Variants in UNC79 observed in about 807,000 individuals in gnomAD.
The protein encoded by UNC79 is protein unc-79 homolog.
A neutral mutation model predicts 283.1 loss-of-function variants in UNC79; 37 were observed. The ratio of observed to expected loss-of-function variants is 0.13; its 90% CI spans 0.10 to 0.17. The LOEUF is 0.17. Ranked by LOEUF, UNC79 falls within the 10% of genes least tolerant of loss-of-function variation. UNC79 has a pLI of 1.00. For synonymous variants in UNC79, 1,107 were observed against 1,200.2 expected, an observed-to-expected ratio of 0.92 and a Z score of 1.61; for missense variants, 2,272 against 3,211.1, an observed-to-expected ratio of 0.71 and a Z score of 7.07.
chr14:93,475,370 G>A (rs1020793113), intron 3 of UNC79, among the ~76,000 whole-genome samples: 1 of 152,264 alleles, frequency 6.6e-6, no homozygotes, highest in African/African-American at 2.4e-5. Flanking sequence ...ACTCCCCTAA[G>A]AGAATTCTTG....
At chr14:93,355,255 A>G (rs1296971762) in intron 1 of UNC79, among the ~76,000 whole-genome samples, 3 of 151,600 alleles carry the variant, frequency 2.0e-5, no homozygotes, top group Non-Finnish European at 4.4e-5. Context: ...GTGCAGTGGC[A>G]CGTTCTCAGC....
intron 1 of UNC79, among the ~76,000 whole-genome samples, chr14:93,408,943 A>G (rs1595441205): frequency 6.6e-6 from 1 of 152,236 alleles, no homozygotes; most frequent in African/African-American, 2.4e-5. Context: ...CCTCAACCAC[A>G]TCTATAAAAA....
intron 26 of UNC79, among the ~76,000 whole-genome samples, chr14:93,605,958 A>C (rs12147136): frequency 0.68 from 103,665 of 152,066 alleles, 35,610 homozygotes; most frequent in Admixed American, 0.72. Flanking sequence ...CATGTACGCT[A>C]CTGTGCTGTG....
chr14:93,557,312 C>T lies in UNC79; in HGVS notation c.1756-14582C>T, dbSNP rs142790701. ...TCTGCTGTTGTGGGAGTGTCTTTGC[C>T]GGTATCTTAGGCTGTTTCCTCAACT... is the stretch of plus-strand genomic sequence containing the variant. On this transcript the variant is annotated intron_variant, in intron 14 of 48. Coordinates refer to ENST00000555664, the Ensembl canonical transcript of UNC79. Among the ~76,000 whole-genome samples the T allele has an allele frequency of 2.9e-3, 442 of 152,192 alleles. 3 individuals carry two copies. Among genetic ancestry groups the T allele is most frequent in the African/African-American group, 0.01 (421 of 41,512 alleles).
At chr14:93,440,383 A>C (rs1347550664) in intron 1 of UNC79, among the ~76,000 whole-genome samples, 1 of 152,058 alleles carries the variant, frequency 6.6e-6, no homozygotes, top group Non-Finnish European at 1.5e-5. Flanking sequence ...CTTTTTCAAG[A>C]AACCAGTTAT....
intron 30 of UNC79, 60 bp from the exon 33 acceptor site, chr14:93,630,741 A>G: frequency 7.5e-7 from 1 of 1,330,472 alleles, no homozygotes; most frequent in Non-Finnish European, 1.1e-6. Context: ...GATATAGAAA[A>G]GGTTCTTGAA....
chr14:93,444,689 C>A (rs1870485808), intron 1 of UNC79, among the ~76,000 whole-genome samples: 1 of 152,052 alleles, frequency 6.6e-6, no homozygotes, highest in African/African-American at 2.4e-5. Flanking sequence ...ATCCTGGTAC[C>A]TTTGTTGATA....
intron 38 of UNC79, among the ~76,000 whole-genome samples, chr14:93,655,644 GAA>G (rs59172906): frequency 4.9e-5 from 4 of 81,738 alleles, no homozygotes; most frequent in African/African-American, 4.1e-5. Flanking sequence ...CAGTTGATTT[GAA>G]AAAAAAAAAA....
chr14:93,577,233 C>A (rs1429908562), intron 17 of UNC79, among the ~76,000 whole-genome samples: 3 of 148,520 alleles, frequency 2.0e-5, no homozygotes, highest in Non-Finnish European at 4.4e-5. Flanking sequence ...CAAAAAAAAC[C>A]ATTGACTTAA....
At chr14:93,357,965 C>G (rs1171920462) in intron 1 of UNC79, among the ~76,000 whole-genome samples, 4 of 98,854 alleles carry the variant, frequency 4.0e-5, no homozygotes, top group Non-Finnish European at 7.8e-5. Flanking sequence ...CTATATATAT[C>G]CATATATATA....
intron 1 of UNC79, among the ~76,000 whole-genome samples, chr14:93,353,536 A>G (rs2054020736): frequency 6.6e-6 from 1 of 152,154 alleles, no homozygotes; most frequent in Non-Finnish European, 1.5e-5. Context: ...TCATTCCTTG[A>G]GTAACTTCAG....
chr14:93,333,611 GT>G (rs2053505007), intron 1 of UNC79: 1 of 393,042 alleles, frequency 2.5e-6, no homozygotes, highest in East Asian at 3.6e-5. Flanking sequence ...ACACTGAAAA[GT>G]TTTCCTTAAC....
chr14:93,637,401 A>G (rs2068600286), intron 32 of UNC79, 102 bp downstream of exon 35: 6 of 1,530,642 alleles, frequency 3.9e-6, no homozygotes, highest in African/African-American at 1.4e-5. Flanking sequence ...TAGCACCTCC[A>G]TGGAGTGGGG....
chr14:93,523,506 G>A (rs983918026), intron 7 of UNC79, among the ~76,000 whole-genome samples: 18 of 152,094 alleles, frequency 1.2e-4, no homozygotes, highest in African/African-American at 4.3e-4. Flanking sequence ...AGGATGTTTA[G>A]CATAATATAC....
intron 37 of UNC79, 59 bp downstream of exon 40, chr14:93,654,084 T>C (rs1208682226): frequency 5.6e-5 from 81 of 1,455,080 alleles, no homozygotes; most frequent in Non-Finnish European, 7.7e-5. Flanking sequence ...CCAGCACAAC[T>C]GTGGGCTGTG....
At chr14:93,603,468 G>T in intron 26 of UNC79, 50 bp downstream of exon 26, 1 of 1,581,940 alleles carries the variant, frequency 6.3e-7, no homozygotes, top group Non-Finnish European at 8.6e-7. Flanking sequence ...ATGTCTTTCT[G>T]AGGCTGACTT....
At chr14:93,612,069 C>T (rs529936713) in intron 26 of UNC79, among the ~76,000 whole-genome samples, 5 of 152,106 alleles carry the variant, frequency 3.3e-5, no homozygotes, top group African/African-American at 7.2e-5. Flanking sequence ...AGGCCAAGGG[C>T]GAAGGTATTT....
chr14:93,702,376 A>G (rs985209402), intron 47 of UNC79, among the ~76,000 whole-genome samples: 4 of 152,218 alleles, frequency 2.6e-5, no homozygotes, highest in Admixed American at 6.5e-5. Flanking sequence ...CACAGTATTC[A>G]TGTTAGAGAC....
At chr14:93,449,867 G>A (rs1454203555) in intron 1 of UNC79, among the ~76,000 whole-genome samples, 7 of 152,106 alleles carry the variant, frequency 4.6e-5, no homozygotes, top group African/African-American at 1.2e-4. Flanking sequence ...TTAAATCAGC[G>A]GTGGGTATAG....
Sources: allele counts gnomAD v4.1 joint callset (sites outside exome capture counted in the v4.1 genomes callset), GRCh38; gene constraint gnomAD v4.1.1; transcripts MANE v1.5; gene names NCBI Gene and HGNC (gene_info 2026-07-23, HGNC 2026-07-21).